The following USP39 variants were observed in gnomAD, a reference collection of about 807,000 sequenced individuals.
USP39 encodes ubiquitin carboxyl-terminal hydrolase 39.
A neutral mutation model predicts 66.4 loss-of-function variants in USP39; 38 were observed. The ratio of observed to expected loss-of-function variants is 0.57; its 90% confidence interval spans 0.44 to 0.75. USP39 has a LOEUF of 0.75. USP39 is among the 30% of genes least tolerant of loss of function. USP39 has a pLI of 0.00. For synonymous variants in USP39, 303 were observed against 274.6 expected (o/e 1.10, Z -1.02); for missense variants, 608 against 714.4 (o/e 0.85, Z 1.70).
At chr2:85,611,597 C>T, upstream of USP39, 2 of 1,553,372 alleles carry the variant, frequency 1.3e-6, no homozygotes, top group Non-Finnish European at 1.7e-6. Context: ...AGTGGTTTTT[C>T]CCTATAGAGA....
intron 5 of USP39, among the ~76,000 whole-genome samples, chr2:85,629,144 A>G (rs1312000951): frequency 1.3e-5 from 2 of 151,830 alleles, no homozygotes; most frequent in Middle Eastern, 3.2e-3. Context: ...GCTCGCTGCA[A>G]CCTCTGCCTC....
chr2:85,612,673 CT>C (rs1300315592), upstream of USP39, among the ~76,000 whole-genome samples: 1 of 143,482 alleles, frequency 7.0e-6, no homozygotes, highest in Non-Finnish European at 1.5e-5. Flanking sequence ...TTTTTTTTTT[CT>C]TTTTGAGAAG....
rs76099380 is a variant in USP39 at position 85,618,730 on chromosome 2, A to G, written c.269-490A>G. On this transcript the variant is annotated intron_variant, in intron 1 of 12. Coordinates refer to ENST00000323701, the MANE Select transcript of USP39 (RefSeq NM_006590.4). ...TGTTGATTTTATGTATACCAAATATATTCTCCCAGTTTGTGGCTTGTTCTA... is the reference window on the plus strand; with the variant it reads ...TGTTGATTTTATGTATACCAAATATGTTCTCCCAGTTTGTGGCTTGTTCTA... 5.7e-3 allele frequency among the ~76,000 whole-genome samples: 859 copies of G among 151,574 alleles called. 6 individuals carry two copies. Among genetic ancestry groups the G allele is most frequent in the Non-Finnish European group, 9.2e-3 (623 of 67,860 alleles).
chr2:85,608,896 T>A (rs1673321847), upstream of USP39: 2 of 1,603,846 alleles, frequency 1.2e-6, no homozygotes, highest in Admixed American at 3.4e-5. Context: ...CTGGGCAGAA[T>A]TCTTCCGAGT....
At chr2:85,616,105 G>A (rs929460414), upstream of USP39, 1 of 1,362,088 alleles carries the variant, frequency 7.3e-7, no homozygotes, top group South Asian at 1.9e-5. Flanking sequence ...GAGAGTTCGG[G>A]GCTCGCTACC....
intron 10 of USP39, among the ~76,000 whole-genome samples, chr2:85,641,669 A>G (rs373702388): frequency 1.3e-5 from 2 of 152,180 alleles, no homozygotes; most frequent in South Asian, 2.1e-4. Context: ...TGGGAGGCCA[A>G]GGCAGCTGGA....
upstream of USP39, among the ~76,000 whole-genome samples, chr2:85,609,945 T>C (rs181752272): frequency 1.0e-2 from 1,513 of 151,612 alleles, 25 homozygotes; most frequent in African/African-American, 0.035. Context: ...CCTCCCAAAG[T>C]GCTGGGATTA....
chr2:85,632,553 T>C (rs904636002), intron 6 of USP39, among the ~76,000 whole-genome samples: 7 of 151,610 alleles, frequency 4.6e-5, no homozygotes, highest in Non-Finnish European at 8.8e-5. Flanking sequence ...GTTCAGGTGA[T>C]TCTTCTGACT....
chr2:85,641,903 G>A (rs1172286926), intron 10 of USP39, among the ~76,000 whole-genome samples: 1 of 112,562 alleles, frequency 8.9e-6, no homozygotes, highest in Admixed American at 9.5e-5. Context: ...GAGTGTGACT[G>A]TGCTAAAAAA....
chr2:85,619,096 G>A, intron 1 of USP39, 124 bp from the exon 2 acceptor site: 1 of 1,113,848 alleles, frequency 9.0e-7, no homozygotes, highest in South Asian at 1.4e-5. Flanking sequence ...CGATATTGTT[G>A]CCACCCAAAC....
At position 85,644,858 on chromosome 2, in the gene USP39, G is replaced by A. The variant is rs922841485; in HGVS notation, c.1428-90G>A. On this transcript the variant is annotated intron_variant, in intron 10 of 12. Coordinates refer to ENST00000323701, the MANE Select transcript of USP39 (RefSeq NM_006590.4). Reference sequence around the variant, plus strand: ...AGAGAAAGGGTCCTAAAATAGGGCTGAACAATTTTGTGGTCCGTTTGTGTA... The same window carrying A: ...AGAGAAAGGGTCCTAAAATAGGGCTAAACAATTTTGTGGTCCGTTTGTGTA... 2.6e-6 allele frequency: 4 copies of A among 1,551,348 alleles called. No homozygotes were observed. In the African/African-American group the frequency reaches 5.4e-5, roughly 21 times the overall value.
In USP39 at chr2:85,639,319, G is replaced by A. The variant is rs775379576; in HGVS notation, c.1212G>A (p.Glu404=). ...DLPTAPLYKD[E]KEQLIIPQVP... ...CTACTGCCCCCCTCTACAAGGACGA[G>A]AAGGAGCAGCTCATCATTCCCCAAG... Residue 404 remains glutamate, a synonymous_variant, in exon 9 of 13, where the codon GAG becomes GAA. Transcript: ENST00000323701. 6.2e-7 allele frequency: 1 copy of A among 1,614,082 alleles called. No individual in the cohort carries two copies. The highest frequency in any genetic ancestry group is 1.7e-5 in the Admixed American group (1 of 60,004).
At chr2:85,618,296 G>T (rs1365551216) in intron 1 of USP39, among the ~76,000 whole-genome samples, 2 of 151,518 alleles carry the variant, frequency 1.3e-5, no homozygotes, top group Non-Finnish European at 2.9e-5. Flanking sequence ...GGGCGCAGTG[G>T]CTCACGCCTG....
intron 7 of USP39, among the ~76,000 whole-genome samples, chr2:85,637,015 A>C (rs1223467539): frequency 7.2e-5 from 11 of 152,132 alleles, no homozygotes; most frequent in Non-Finnish European, 7.3e-5. Context: ...CTTTGAAAGT[A>C]GCTTATGGTT....
At chr2:85,639,727 G>T (rs541700737) in intron 9 of USP39, 1 of 187,474 alleles carries the variant, frequency 5.3e-6, no homozygotes, top group East Asian at 1.5e-4. Flanking sequence ...GATTACAGGC[G>T]TGGGCCACCA....
intron 6 of USP39, among the ~76,000 whole-genome samples, chr2:85,632,149 C>T (rs1675398296): frequency 6.6e-6 from 1 of 152,200 alleles, no homozygotes; most frequent in Non-Finnish European, 1.5e-5. Context: ...ATGGTATCCT[C>T]TAGCATCTGT....
chr2:85,643,734 G>A (rs964377588), intron 10 of USP39, among the ~76,000 whole-genome samples: 6 of 149,296 alleles, frequency 4.0e-5, no homozygotes, highest in South Asian at 2.1e-4. Flanking sequence ...TGCAACCTTC[G>A]CCTCCTGGGT....
chr2:85,615,360 T>C (rs1673849788), upstream of USP39, among the ~76,000 whole-genome samples: 1 of 152,078 alleles, frequency 6.6e-6, no homozygotes, highest in African/African-American at 2.4e-5. Context: ...TGTATGTCAA[T>C]TATACCTCAA....
intron 1 of USP39, among the ~76,000 whole-genome samples, chr2:85,606,287 C>T (rs1036051921): frequency 6.6e-6 from 1 of 152,220 alleles, no homozygotes; most frequent in Non-Finnish European, 1.5e-5. Flanking sequence ...TACGCCACAG[C>T]ACCGGACAGT....
Sources: allele counts gnomAD v4.1 joint callset (sites outside exome capture counted in the v4.1 genomes callset), GRCh38; gene constraint gnomAD v4.1.1; transcripts MANE v1.5; gene names NCBI Gene and HGNC (gene_info 2026-07-23, HGNC 2026-07-21).